TRPM3: variants seen among roughly 807,000 people sequenced by gnomAD.
The protein encoded by TRPM3 is transient receptor potential cation channel subfamily M member 3, also known as long transient receptor potential channel 3.
A neutral mutation model predicts 181.2 loss-of-function variants in TRPM3; 77 were observed. The observed-to-expected ratio is 0.42, with a 90% CI of 0.35 to 0.51. The LOEUF (loss-of-function observed/expected upper bound fraction) is 0.51. TRPM3 is among the 20% of genes least tolerant of loss of function. The pLI is 0.01. For synonymous variants in TRPM3, 745 were observed against 796.4 expected, an observed-to-expected ratio of 0.94 and a Z score of 1.09; for missense variants, 1,759 against 2,196.7, an observed-to-expected ratio of 0.80 and a Z score of 3.98.
intron 3 of TRPM3, among the ~76,000 whole-genome samples, chr9:70,853,012 C>T (rs1213942809): frequency 2.0e-5 from 3 of 152,096 alleles, no homozygotes. Context: ...CCCTATGTTG[C>T]AAGAGCTTTG....
At chr9:70,966,940 C>T (rs1486754491) in intron 1 of TRPM3, among the ~76,000 whole-genome samples, 1 of 151,864 alleles carries the variant, frequency 6.6e-6, no homozygotes, top group South Asian at 2.1e-4. Flanking sequence ...TGTCCAAGTT[C>T]AGAAGATTTA....
At chr9:71,351,870 G>T (rs377234955) in intron 1 of TRPM3, among the ~76,000 whole-genome samples, 11 of 95,678 alleles carry the variant, frequency 1.1e-4, no homozygotes, top group Non-Finnish European at 1.7e-4. Flanking sequence ...TTGTTTGTTT[G>T]TTTTTGTTTT....
intron 8 of TRPM3, among the ~76,000 whole-genome samples, chr9:70,695,482 C>T (rs1292746347): frequency 2.6e-5 from 4 of 152,146 alleles, no homozygotes; most frequent in African/African-American, 9.7e-5. Context: ...CCAGTCTGTT[C>T]TCTCTGCTGG....
chr9:71,402,708 T>C (rs930643996), intron 1 of TRPM3, among the ~76,000 whole-genome samples: 3 of 152,194 alleles, frequency 2.0e-5, no homozygotes, highest in Non-Finnish European at 4.4e-5. Context: ...AAAATAATTA[T>C]TTTAAAGCAA....
chr9:71,211,922 C>T (rs185515330), intron 1 of TRPM3, among the ~76,000 whole-genome samples: 208 of 152,224 alleles, frequency 1.4e-3, no homozygotes, highest in African/African-American at 4.6e-3. Context: ...ATCCTTTATA[C>T]AGTATATAGC....
chr9:71,132,040 A>G (rs1046926656), intron 1 of TRPM3, among the ~76,000 whole-genome samples: 4 of 152,210 alleles, frequency 2.6e-5, no homozygotes, highest in Non-Finnish European at 2.9e-5. Context: ...GGAGACAGGA[A>G]CACTGAATTA....
At chr9:70,917,285 A>T in intron 1 of TRPM3, 1 of 1,415,982 alleles carries the variant, frequency 7.1e-7, no homozygotes. Flanking sequence ...GTCAATTAGG[A>T]AGCGAAAGTG....
At chr9:70,659,260 G>T (rs2060785160) in intron 9 of TRPM3, among the ~76,000 whole-genome samples, 1 of 152,056 alleles carries the variant, frequency 6.6e-6, no homozygotes, top group South Asian at 2.1e-4. Context: ...GGGAAAACTG[G>T]CCTCATACCT....
At chr9:71,060,048 G>A (rs1031484214) in intron 1 of TRPM3, among the ~76,000 whole-genome samples, 1 of 152,102 alleles carries the variant, frequency 6.6e-6, no homozygotes, top group African/African-American at 2.4e-5. Context: ...GGTCTGAAAT[G>A]TAGAAGAGAA....
intron 5 of TRPM3, among the ~76,000 whole-genome samples, chr9:70,838,385 G>A (rs2094447496): frequency 6.6e-6 from 1 of 152,150 alleles, no homozygotes; most frequent in South Asian, 2.1e-4. Flanking sequence ...CCTTACAAAA[G>A]GGACCCCAGA....
intron 1 of TRPM3, among the ~76,000 whole-genome samples, chr9:71,409,414 A>G (rs1335679278): frequency 6.6e-6 from 1 of 152,220 alleles, no homozygotes; most frequent in Non-Finnish European, 1.5e-5. Context: ...ATAGAGGAAG[A>G]TCTACCAAGC....
At chr9:71,254,490 T>G (rs1441886886) in intron 1 of TRPM3, among the ~76,000 whole-genome samples, 1 of 152,198 alleles carries the variant, frequency 6.6e-6, no homozygotes, top group Non-Finnish European at 1.5e-5. Flanking sequence ...TTAAGTGCTT[T>G]CACCATGGAA....
At chr9:71,413,149 T>G (rs2093585869) in intron 1 of TRPM3, among the ~76,000 whole-genome samples, 1 of 151,938 alleles carries the variant, frequency 6.6e-6, no homozygotes, top group South Asian at 2.1e-4. Context: ...CTAATGTAAG[T>G]GACGAGTTAA....
At chr9:71,203,742 G>A (rs1278722678) in intron 1 of TRPM3, among the ~76,000 whole-genome samples, 2 of 152,128 alleles carry the variant, frequency 1.3e-5, no homozygotes, top group African/African-American at 4.8e-5. Flanking sequence ...ACAGTGCCTG[G>A]AACAGTATGG....
intron 1 of TRPM3, among the ~76,000 whole-genome samples, chr9:70,930,419 CTTCCT>C (rs1444598919): frequency 1.3e-5 from 2 of 152,008 alleles, no homozygotes; most frequent in Admixed American, 6.5e-5. Context: ...AAGTTTTATA[CTTCCT>C]TTCATCACCT....
chr9:71,113,556 A>G (rs1381543675), intron 1 of TRPM3, among the ~76,000 whole-genome samples: 1 of 152,188 alleles, frequency 6.6e-6, no homozygotes, highest in Admixed American at 6.5e-5. Flanking sequence ...TAAAGTAAAC[A>G]AAGAGTGAGT....
intron 9 of TRPM3, among the ~76,000 whole-genome samples, chr9:70,653,677 CAAAAAAAAA>C (rs71507003): frequency 9.7e-6 from 1 of 103,146 alleles, no homozygotes; most frequent in Admixed American, 1.1e-4. Flanking sequence ...CTTCCTGTCT[CAAAAAAAAA>C]AAAAAAAAAA....
chr9:71,441,822 G>A (rs991028767), intron 1 of TRPM3, among the ~76,000 whole-genome samples: 1 of 151,984 alleles, frequency 6.6e-6, no homozygotes, highest in Admixed American at 6.6e-5. Context: ...TAGTAGAGAT[G>A]GGGTTTCACC....
intron 22 of TRPM3, among the ~76,000 whole-genome samples, chr9:70,574,070 T>C (rs2053231290): frequency 7.0e-6 from 1 of 142,276 alleles, no homozygotes; most frequent in African/African-American, 2.6e-5. Context: ...CAGCAATTCA[T>C]GTCAGACACA....
Sources: allele counts gnomAD v4.1 joint callset (sites outside exome capture counted in the v4.1 genomes callset), GRCh38; gene constraint gnomAD v4.1.1; transcripts MANE v1.5; gene names NCBI Gene and HGNC (gene_info 2026-07-23, HGNC 2026-07-21).